PECR: variants seen among roughly 807,000 people sequenced by gnomAD.
PECR encodes the protein peroxisomal trans-2-enoyl-CoA reductase, also known as 2,4-dienoyl-CoA reductase-related protein.
PECR carries 30 observed loss-of-function variants against 35.3 expected under a neutral mutation model. The ratio of observed to expected loss-of-function variants is 0.85; its 90% CI spans 0.64 to 1.15. PECR has a LOEUF of 1.15. Among genes scored for constraint, PECR ranks in the 50% most tolerant of loss-of-function variants. The pLI is 0.00. For synonymous variants in PECR, 148 were observed against 138.9 expected, an observed-to-expected ratio of 1.07 and a Z score of -0.46; for missense variants, 392 against 370.8, an observed-to-expected ratio of 1.06 and a Z score of -0.47.
At chr2:216,054,298 G>GA (rs557680243) in intron 4 of PECR, among the ~76,000 whole-genome samples, 78 of 83,296 alleles carry the variant, frequency 9.4e-4, no homozygotes, top group East Asian at 2.6e-3. Context: ...AAAAAAAAAA[G>GA]AAAAAAAAAA....
intron 1 of PECR, among the ~76,000 whole-genome samples, chr2:216,079,613 C>T (rs956982338): frequency 6.6e-5 from 10 of 151,118 alleles, no homozygotes; most frequent in East Asian, 2.0e-4. Context: ...GTGCTCTGCC[C>T]GCCTCGGCCT....
intron 1 of PECR, among the ~76,000 whole-genome samples, chr2:216,078,933 A>G (rs1297794059): frequency 6.6e-6 from 1 of 151,832 alleles, no homozygotes; most frequent in Admixed American, 6.5e-5. Flanking sequence ...CAACAGGATG[A>G]AAGTTCAAAT....
chr2:216,057,443 A>G (rs1695251841), intron 4 of PECR, among the ~76,000 whole-genome samples: 1 of 152,182 alleles, frequency 6.6e-6, no homozygotes, highest in African/African-American at 2.4e-5. Context: ...AAGATACAGA[A>G]TAGTGTTTAT....
At chr2:216,042,514 C>T (rs907337512) in intron 7 of PECR, among the ~76,000 whole-genome samples, 1 of 152,290 alleles carries the variant, frequency 6.6e-6, no homozygotes, top group South Asian at 2.1e-4. Context: ...TCTTTAACAA[C>T]AGAAATTCAA....
chr2:216,043,889 T>C lies in PECR; in HGVS notation c.826+15A>G, dbSNP rs1694943514. ...CAGCATAAAGCTGGTGACTGCTCAT[T>C]CCTCAGCTGCTCACCTGGTACCTCA... On this transcript the variant is annotated intron_variant, in intron 7 of 7. Transcript: ENST00000265322. 2.2e-6 allele frequency: 3 copies of C among 1,352,658 alleles called. No individual in the cohort carries two copies. In the African/African-American group the frequency reaches 4.3e-5, roughly 19 times the overall value. 83.8% of individuals were successfully genotyped at this position (1,352,658 alleles called of 1,614,324 possible). A position where few individuals can be genotyped will look rare whatever the true frequency, so the allele number is the denominator to read the frequency against.
intron 4 of PECR, among the ~76,000 whole-genome samples, 195 bp downstream of exon 4, chr2:216,058,700 A>G (rs543669549): frequency 6.6e-6 from 1 of 152,324 alleles, no homozygotes; most frequent in Admixed American, 6.5e-5. Context: ...TAAATCTGGC[A>G]GTCCGCATCT....
At chr2:216,074,073 G>A (rs1351163544) in intron 1 of PECR, among the ~76,000 whole-genome samples, 1 of 152,206 alleles carries the variant, frequency 6.6e-6, no homozygotes, top group Non-Finnish European at 1.5e-5. Context: ...TTCTTTCTTT[G>A]ATATTTCTGC....
intron 3 of PECR, among the ~76,000 whole-genome samples, chr2:216,062,504 A>C: frequency 6.6e-6 from 1 of 152,228 alleles, no homozygotes; most frequent in East Asian, 1.9e-4. Context: ...AAATTCACCA[A>C]TAATTTATAT....
intron 1 of PECR, among the ~76,000 whole-genome samples, chr2:216,080,395 C>T (rs828916): frequency 3.2e-4 from 49 of 152,272 alleles, no homozygotes; most frequent in African/African-American, 1.0e-3. Flanking sequence ...GATATTTAAA[C>T]GGAAGCATTA....
chr2:216,040,703 T>C (rs1694872300), intron 7 of PECR, among the ~76,000 whole-genome samples: 1 of 152,138 alleles, frequency 6.6e-6, no homozygotes, highest in Non-Finnish European at 1.5e-5. Context: ...ACTCCATCTC[T>C]ACTAAAACTA....
intron 1 of PECR, among the ~76,000 whole-genome samples, chr2:216,081,194 TG>T (rs1553563700): frequency 6.6e-6 from 1 of 152,210 alleles, no homozygotes; most frequent in Non-Finnish European, 1.5e-5. Context: ...CATATTTCCT[TG>T]CTGTGGTTAA....
At chr2:216,070,705 T>G (rs1184082172) in intron 1 of PECR, among the ~76,000 whole-genome samples, 1 of 152,176 alleles carries the variant, frequency 6.6e-6, no homozygotes, top group African/African-American at 2.4e-5. Flanking sequence ...AACCTTGAGC[T>G]CCTACGGCCT....
intron 4 of PECR, 51 bp from the exon 5 acceptor site, chr2:216,051,596 T>A: frequency 8.8e-7 from 1 of 1,135,956 alleles, no homozygotes; most frequent in Non-Finnish European, 1.3e-6. Context: ...TGAATATTTC[T>A]CTTGTTCATC....
downstream of PECR, among the ~76,000 whole-genome samples, chr2:216,036,867 A>G (rs1169627482): frequency 3.3e-5 from 5 of 152,198 alleles, no homozygotes; most frequent in African/African-American, 4.8e-5. Context: ...TGGGGGAGGT[A>G]TAATGTTCAC....
At chr2:216,054,643 CTTCTT>C (rs1695189970) in intron 4 of PECR, among the ~76,000 whole-genome samples, 1 of 151,712 alleles carries the variant, frequency 6.6e-6, no homozygotes, top group South Asian at 2.1e-4. Context: ...GCCCCACTGA[CTTCTT>C]TTCTGAAAAA....
chr2:216,050,054 C>T (rs927105061), intron 5 of PECR, among the ~76,000 whole-genome samples: 3 of 151,962 alleles, frequency 2.0e-5, no homozygotes, highest in Non-Finnish European at 4.4e-5. Flanking sequence ...TATGTCTCTA[C>T]AAAAAATATA....
chr2:216,031,394 G>GAGAAAGGA (rs568088933), intron 7 of PECR, among the ~76,000 whole-genome samples: 12 of 144,008 alleles, frequency 8.3e-5, no homozygotes, highest in Non-Finnish European at 1.2e-4. Flanking sequence ...GCAACAGAGT[G>GAGAAAGGA]AGAAAGGAAG....
Position 216,073,211 on chromosome 2 carries a change from T to C in PECR, c.125-6693A>G, listed in dbSNP as rs116069063. ...AGGAGAAGCTTACTCCTTTCTCCTT[T>C]TGTTTCCAGGAGGGCCCTCTTCTTC... On this transcript the variant is annotated intron_variant, in intron 1 of 7. Transcript: ENST00000265322. Among the ~76,000 whole-genome samples, 736 of 152,322 alleles carry C rather than the reference T, an allele frequency of 4.8e-3. 9 individuals carry two copies. Among genetic ancestry groups the C allele is most frequent in the African/African-American group, 0.017 (694 of 41,574 alleles).
rs908964222 is a variant in PECR at position 216,043,221 on chromosome 2, C to T, written c.826+683G>A. Reference sequence around the variant, plus strand: ...CTCCCGGGTTCACACCATTCTCCTGCCTCAGCCTCCCAAGTAGCTGGGACT... The same window carrying T: ...CTCCCGGGTTCACACCATTCTCCTGTCTCAGCCTCCCAAGTAGCTGGGACT... On this transcript the variant is annotated intron_variant, in intron 7 of 7. Coordinates refer to ENST00000265322, the MANE Select transcript of PECR (RefSeq NM_018441.6). Among the ~76,000 whole-genome samples, 3 of 151,892 alleles carry T rather than the reference C, an allele frequency of 2.0e-5. No homozygotes were observed. In the South Asian group the frequency reaches 6.2e-4, roughly 32 times the overall value.
Sources: allele counts gnomAD v4.1 joint callset (sites outside exome capture counted in the v4.1 genomes callset), GRCh38; gene constraint gnomAD v4.1.1; transcripts MANE v1.5; gene names NCBI Gene and HGNC (gene_info 2026-07-23, HGNC 2026-07-21).